Variants in DPYD observed in about 807,000 individuals in gnomAD.
The protein encoded by DPYD is dihydropyrimidine dehydrogenase [NADP(+)].
A neutral mutation model predicts 116.2 loss-of-function variants in DPYD; 109 were observed. That is an observed-to-expected ratio of 0.94 (90% CI 0.80 to 1.10). The LOEUF (loss-of-function observed/expected upper bound fraction) is 1.10, where lower values mean the gene tolerates loss of function less well. Ranked by LOEUF, DPYD falls within the 50% of genes least tolerant of loss-of-function variation. The pLI is 0.00. For synonymous variants in DPYD, 440 were observed against 432.0 expected, an observed-to-expected ratio of 1.02 and a Z score of -0.23; for missense variants, 1,302 against 1,254.5, an observed-to-expected ratio of 1.04 and a Z score of -0.57.
chr1:97,245,652 C>G (rs780268025), intron 18 of DPYD, among the ~76,000 whole-genome samples: 1 of 152,052 alleles, frequency 6.6e-6, no homozygotes, highest in Admixed American at 6.6e-5. Flanking sequence ...TGCCGATGAC[C>G]GGAGTTTCAT....
At chr1:97,784,621 T>C (rs1052588880) in intron 3 of DPYD, among the ~76,000 whole-genome samples, 2 of 152,216 alleles carry the variant, frequency 1.3e-5, no homozygotes, top group East Asian at 3.8e-4. Flanking sequence ...ACACAGGCAC[T>C]ATGGAAGCAC....
At chr1:97,598,157 AAAAT>A (rs1571031591) in intron 8 of DPYD, among the ~76,000 whole-genome samples, 1 of 152,298 alleles carries the variant, frequency 6.6e-6, no homozygotes, top group East Asian at 1.9e-4. Flanking sequence ...AGCTTAAATA[AAAAT>A]AAAGTATTAA....
chr1:97,306,418 G>T, intron 16 of DPYD, 121 bp from the exon 17 acceptor site: 2 of 1,313,260 alleles, frequency 1.5e-6, no homozygotes, highest in Non-Finnish European at 2.2e-6. Context: ...TGAGCTACAT[G>T]ATATATTTCT....
At chr1:97,129,569 C>G (rs1006739899) in intron 20 of DPYD, among the ~76,000 whole-genome samples, 1 of 152,074 alleles carries the variant, frequency 6.6e-6, no homozygotes, top group South Asian at 2.1e-4. Context: ...TCTCCCATCT[C>G]TCTCACTCAC....
At chr1:97,730,064 T>G (rs527502194) in intron 4 of DPYD, among the ~76,000 whole-genome samples, 1 of 152,170 alleles carries the variant, frequency 6.6e-6, no homozygotes, top group African/African-American at 2.4e-5. Context: ...CTTTTGATGA[T>G]TGTGTTTGTT....
intron 2 of DPYD, among the ~76,000 whole-genome samples, chr1:97,845,393 G>C (rs1364674845): frequency 6.6e-6 from 1 of 152,116 alleles, no homozygotes; most frequent in Non-Finnish European, 1.5e-5. Context: ...ACCCAATTTG[G>C]GTCTTCACCA....
At chr1:97,917,670 T>C (rs1024393241) in intron 1 of DPYD, among the ~76,000 whole-genome samples, 1 of 152,232 alleles carries the variant, frequency 6.6e-6, no homozygotes, top group African/African-American at 2.4e-5. Flanking sequence ...ATTCAAGGAA[T>C]GGGCCTTGTG....
rs751347612 is a variant in DPYD at position 97,382,477 on chromosome 1, C to G, written c.1906-16G>C. 4.6e-6 allele frequency: 7 copies of G among 1,530,910 alleles called. No individual in the cohort carries two copies. In the South Asian group the frequency reaches 8.8e-5, roughly 19 times the overall value. 94.8% of individuals were successfully genotyped at this position (1,530,910 alleles called of 1,614,324 possible). A position where few individuals can be genotyped will look rare whatever the true frequency, so the allele number is the denominator to read the frequency against. On this transcript the variant is annotated splice_polypyrimidine_tract_variant and intron_variant, in intron 14 of 22. Transcript: ENST00000370192. ...CAATCACAATCTTTAAAAAGAAAAACAAAAGAATATAAGTTCAAGTAGTTA... is the reference window on the plus strand; with the variant it reads ...CAATCACAATCTTTAAAAAGAAAAAGAAAAGAATATAAGTTCAAGTAGTTA...
chr1:97,864,370 G>T (rs950522930), intron 2 of DPYD, among the ~76,000 whole-genome samples: 4 of 151,904 alleles, frequency 2.6e-5, no homozygotes, highest in Non-Finnish European at 5.9e-5. Flanking sequence ...GAAGCCTGAA[G>T]GTCAAGATTG....
At chr1:97,238,234 A>G (rs1328130756) in intron 18 of DPYD, among the ~76,000 whole-genome samples, 1 of 152,202 alleles carries the variant, frequency 6.6e-6, no homozygotes, top group Non-Finnish European at 1.5e-5. Context: ...AAGAGTAACT[A>G]TGTTCTCTGA....
intron 16 of DPYD, among the ~76,000 whole-genome samples, chr1:97,357,548 A>G (rs2101385605): frequency 6.6e-6 from 1 of 152,220 alleles, no homozygotes; most frequent in East Asian, 1.9e-4. Context: ...TATCTTTTTA[A>G]AACAGACTTA....
At chr1:97,312,457 A>T (rs1162394408) in intron 16 of DPYD, among the ~76,000 whole-genome samples, 1 of 151,908 alleles carries the variant, frequency 6.6e-6, no homozygotes, top group Non-Finnish European at 1.5e-5. Flanking sequence ...ATGTGTACAA[A>T]GATGTCTGCC....
At chr1:97,583,113 C>T (rs562230561) in intron 10 of DPYD, among the ~76,000 whole-genome samples, 3 of 152,066 alleles carry the variant, frequency 2.0e-5, no homozygotes, top group South Asian at 4.2e-4. Flanking sequence ...GGACTACAGG[C>T]GCCCGCCACC....
chr1:97,115,346 T>A (rs1156405652), intron 20 of DPYD, among the ~76,000 whole-genome samples: 1 of 152,228 alleles, frequency 6.6e-6, no homozygotes, highest in East Asian at 1.9e-4. Context: ...CAGTTTGTCA[T>A]CAACATGGAT....
intron 2 of DPYD, among the ~76,000 whole-genome samples, chr1:97,831,847 C>A (rs1230272320): frequency 6.6e-6 from 1 of 151,782 alleles, no homozygotes; most frequent in Non-Finnish European, 1.5e-5. Context: ...GCCTGCTAGC[C>A]TAGACAATGT....
At chr1:97,423,586 C>T (rs1674700627) in intron 14 of DPYD, among the ~76,000 whole-genome samples, 1 of 152,066 alleles carries the variant, frequency 6.6e-6, no homozygotes, top group South Asian at 2.1e-4. Context: ...TAATTTACAA[C>T]CAGGAAGAAT....
intron 20 of DPYD, among the ~76,000 whole-genome samples, chr1:97,176,922 C>T (rs1657322366): frequency 7.6e-6 from 1 of 130,884 alleles, no homozygotes; most frequent in Non-Finnish European, 1.7e-5. Flanking sequence ...AAAAGATTAA[C>T]TCTAAGAAGT....
intron 11 of DPYD, among the ~76,000 whole-genome samples, chr1:97,564,213 A>T (rs1652363492): frequency 6.6e-6 from 1 of 152,188 alleles, no homozygotes; most frequent in Non-Finnish European, 1.5e-5. Context: ...GTTATTAAAA[A>T]GCGAACAGGT....
intron 20 of DPYD, among the ~76,000 whole-genome samples, chr1:97,129,502 T>C (rs1653111865): frequency 1.3e-5 from 2 of 152,208 alleles, no homozygotes; most frequent in South Asian, 4.1e-4. Flanking sequence ...AAGCTTCGTG[T>C]GACCTCTGAC....
Sources: gnomAD v4.1 joint callset for allele counts (sites outside exome capture counted in the v4.1 genomes callset) on GRCh38, gnomAD v4.1.1 for gene constraint, MANE v1.5 for transcripts, NCBI Gene and HGNC (gene_info 2026-07-23, HGNC 2026-07-21) for gene names.